Variants in GABRG3 observed in about 807,000 individuals in gnomAD.
GABRG3 encodes the protein gamma-aminobutyric acid type A receptor subunit gamma3.
In GABRG3, 25 loss-of-function variants were observed where a neutral mutation model predicts 48.8. That is an observed-to-expected ratio of 0.51 (90% CI 0.37 to 0.72). The LOEUF is 0.72. GABRG3 is among the 30% of genes least tolerant of loss of function. GABRG3 has a pLI of 0.00. For missense variants in GABRG3, 394 were observed against 577.9 expected, an observed-to-expected ratio of 0.68 and a Z score of 3.26; for synonymous variants, 227 against 217.6, an observed-to-expected ratio of 1.04 and a Z score of -0.38.
chr15:27,451,909 G>A (rs1243835264), intron 5 of GABRG3, among the ~76,000 whole-genome samples: 2 of 152,222 alleles, frequency 1.3e-5, no homozygotes, highest in African/African-American at 2.4e-5. Context: ...CTGGTGGAGA[G>A]AGATGGAGAG....
At chr15:27,181,572 A>G (rs1887933350) in intron 3 of GABRG3, among the ~76,000 whole-genome samples, 1 of 152,172 alleles carries the variant, frequency 6.6e-6, no homozygotes, top group African/African-American at 2.4e-5. Flanking sequence ...GTTCTATGCT[A>G]TATGCAAAGC....
intron 3 of GABRG3, among the ~76,000 whole-genome samples, chr15:27,165,256 C>T (rs113600695): frequency 1.6e-3 from 245 of 152,144 alleles, no homozygotes; most frequent in African/African-American, 2.8e-3. Flanking sequence ...GTATGTTTAC[C>T]GACAATTAGA....
At chr15:27,499,773 G>A (rs956137123) in intron 6 of GABRG3, among the ~76,000 whole-genome samples, 4 of 152,198 alleles carry the variant, frequency 2.6e-5, no homozygotes, top group African/African-American at 9.6e-5. Flanking sequence ...CCTGTTCTGG[G>A]GGCCGAGGAA....
Position 27,222,055 on chromosome 15 carries a change from C to T in GABRG3, c.271-104754C>T, listed in dbSNP as rs1889471255. Among the ~76,000 whole-genome samples the T allele has an allele frequency of 2.0e-5, 3 of 152,184 alleles. No homozygotes were observed. In the South Asian group the frequency reaches 6.2e-4, roughly 32 times the overall value. On this transcript the variant is annotated intron_variant, in intron 3 of 9. Coordinates refer to ENST00000615808, the MANE Select transcript of GABRG3 (RefSeq NM_033223.5). ...TTTCAAAAGGCAAATTTTCCTCAATCCCATTATCTCTTCCCTCCTCATTTT... is the reference window on the plus strand; with the variant it reads ...TTTCAAAAGGCAAATTTTCCTCAATTCCATTATCTCTTCCCTCCTCATTTT...
intron 3 of GABRG3, among the ~76,000 whole-genome samples, chr15:27,069,877 T>C (rs1595505316): frequency 6.6e-6 from 1 of 152,368 alleles, no homozygotes; most frequent in Non-Finnish European, 1.5e-5. Context: ...GAGCTTGCAG[T>C]AGTGCCTGTG....
intron 5 of GABRG3, among the ~76,000 whole-genome samples, chr15:27,373,349 G>A (rs1429113620): frequency 6.6e-6 from 1 of 152,150 alleles, no homozygotes; most frequent in African/African-American, 2.4e-5. Context: ...AGCATTTAAG[G>A]AACTAGGCAT....
chr15:27,028,313 C>T (rs118169635), intron 3 of GABRG3, among the ~76,000 whole-genome samples: 2,727 of 152,138 alleles, frequency 0.018, 44 homozygotes, highest in Non-Finnish European at 0.022. Context: ...GGACAGAGTG[C>T]GTCACACAGC....
chr15:27,381,081 T>G (rs1895760866), intron 5 of GABRG3, among the ~76,000 whole-genome samples: 1 of 152,128 alleles, frequency 6.6e-6, no homozygotes, highest in Non-Finnish European at 1.5e-5. Flanking sequence ...GTCTTACTGG[T>G]AGGTGTCAGT....
intron 3 of GABRG3, among the ~76,000 whole-genome samples, chr15:27,246,865 C>T (rs1212190550): frequency 7.2e-5 from 11 of 152,146 alleles, no homozygotes; most frequent in Non-Finnish European, 1.6e-4. Context: ...TGGAAGAACA[C>T]GTTAAGTAGC....
intron 3 of GABRG3, among the ~76,000 whole-genome samples, chr15:27,096,178 G>A (rs1049615724): frequency 6.6e-6 from 1 of 152,216 alleles, no homozygotes; most frequent in African/African-American, 2.4e-5. Flanking sequence ...GTTTCTGCGT[G>A]TCTTTTCTTC....
intron 2 of GABRG3, among the ~76,000 whole-genome samples, chr15:26,990,456 T>TA (rs1408476887): frequency 6.6e-6 from 1 of 152,234 alleles, no homozygotes; most frequent in Non-Finnish European, 1.5e-5. Flanking sequence ...TTTGCCCATT[T>TA]AAAAATCAGA....
intron 3 of GABRG3, among the ~76,000 whole-genome samples, chr15:27,066,620 A>G (rs530178486): frequency 8.0e-4 from 122 of 152,186 alleles, no homozygotes; most frequent in Non-Finnish European, 1.3e-3. Context: ...GCAGGGAAAG[A>G]CCTCTTAGTC....
At chr15:27,026,724 G>T in intron 2 of GABRG3, 30 bp from the exon 3 acceptor site, 1 of 1,565,190 alleles carries the variant, frequency 6.4e-7, no homozygotes, top group Non-Finnish European at 8.7e-7. Flanking sequence ...CCGGCACGAA[G>T]TATTAACATA....
In GABRG3 at chr15:27,301,012, G is replaced by A. The variant is rs151033518; in HGVS notation, c.271-25797G>A. Among the ~76,000 whole-genome samples, 207 of 152,148 alleles carry A rather than the reference G, an allele frequency of 1.4e-3. 1 individual carries two copies. Among genetic ancestry groups the A allele is most frequent in the African/African-American group, 4.5e-3 (185 of 41,530 alleles). On this transcript the variant is annotated intron_variant, in intron 3 of 9. Coordinates refer to ENST00000615808, the MANE Select transcript of GABRG3 (RefSeq NM_033223.5). ...AAAACTTGTAGGATAACATCAGTGG[G>A]GGAATGGAGATGACATATATGACAT...
chr15:27,113,321 GTTAA>G (rs916342015), intron 3 of GABRG3, among the ~76,000 whole-genome samples: 3 of 151,882 alleles, frequency 2.0e-5, no homozygotes, highest in African/African-American at 7.3e-5. Flanking sequence ...CTGTTTTTGC[GTTAA>G]TTTTTTCTTT....
chr15:27,114,038 ATTCT>A (rs1174843480), intron 3 of GABRG3, among the ~76,000 whole-genome samples: 1 of 152,254 alleles, frequency 6.6e-6, no homozygotes, highest in East Asian at 1.9e-4. Flanking sequence ...ACTAAACCTT[ATTCT>A]TTCTTATCTT....
intron 3 of GABRG3, among the ~76,000 whole-genome samples, chr15:27,256,188 A>G (rs1293781411): frequency 6.6e-6 from 1 of 152,096 alleles, no homozygotes; most frequent in Non-Finnish European, 1.5e-5. Context: ...CATGCCTGTA[A>G]TCCCAGCACT....
chr15:27,510,643 C>T (rs532886777), intron 6 of GABRG3, among the ~76,000 whole-genome samples: 1 of 152,186 alleles, frequency 6.6e-6, no homozygotes, highest in Non-Finnish European at 1.5e-5. Flanking sequence ...AAATTTCTAG[C>T]TGAATAAAGT....
In GABRG3 at chr15:27,371,710, A is replaced by G. The variant is rs76961228; in HGVS notation, c.574+42822A>G. ...TATGTGAGGAGGACAAAAGGATTAG[A>G]AAGGGGTGATCTAGTTCCCTAAATC... On this transcript the variant is annotated intron_variant, in intron 5 of 9. Coordinates refer to ENST00000615808, the MANE Select transcript of GABRG3 (RefSeq NM_033223.5). Among the ~76,000 whole-genome samples the G allele has an allele frequency of 2.0e-3, 298 of 152,312 alleles. 2 individuals carry two copies. Among genetic ancestry groups the G allele is most frequent in the Admixed American group, 0.014 (209 of 15,288 alleles).
Sources: allele counts gnomAD v4.1 joint callset (sites outside exome capture counted in the v4.1 genomes callset), GRCh38; gene constraint gnomAD v4.1.1; transcripts MANE v1.5; gene names NCBI Gene and HGNC (gene_info 2026-07-23, HGNC 2026-07-21).